The following MYO5A variants were observed in gnomAD, a reference collection of about 807,000 sequenced individuals.
The protein encoded by MYO5A is myosin VA.
MYO5A carries 98 observed loss-of-function variants against 249.7 expected under a neutral mutation model. The ratio of observed to expected loss-of-function variants is 0.39; its 90% CI spans 0.33 to 0.46. MYO5A has a LOEUF of 0.46. Among genes scored for constraint, MYO5A ranks in the 20% least tolerant of loss-of-function variants. MYO5A has a pLI of 0.98. For missense variants in MYO5A, 1,696 were observed against 2,308.8 expected (o/e 0.73, Z 5.44); for synonymous variants, 778 against 810.6 (o/e 0.96, Z 0.68).
At chr15:52,468,024 A>G (rs1293371057) in intron 1 of MYO5A, among the ~76,000 whole-genome samples, 1 of 152,248 alleles carries the variant, frequency 6.6e-6, no homozygotes, top group Non-Finnish European at 1.5e-5. Context: ...AAAAACAGGT[A>G]GCGAACAGAA....
At chr15:52,436,239 T>C (rs1014754528) in intron 1 of MYO5A, among the ~76,000 whole-genome samples, 4 of 152,238 alleles carry the variant, frequency 2.6e-5, no homozygotes, top group East Asian at 1.9e-4. Context: ...CTGGCCATCA[T>C]AGTTAACATA....
At chr15:52,356,945 G>C (rs1391109592) in intron 25 of MYO5A, among the ~76,000 whole-genome samples, 1 of 151,678 alleles carries the variant, frequency 6.6e-6, no homozygotes, top group African/African-American at 2.4e-5. Flanking sequence ...GGCATTTATA[G>C]GCTGTCAAAG....
chr15:52,470,173 T>C (rs1219527653), intron 1 of MYO5A, among the ~76,000 whole-genome samples: 1 of 152,200 alleles, frequency 6.6e-6, no homozygotes, highest in Non-Finnish European at 1.5e-5. Flanking sequence ...TTCCATAGCA[T>C]TGACAATTCT....
intron 4 of MYO5A, among the ~76,000 whole-genome samples, chr15:52,423,426 C>A (rs1412135171): frequency 6.6e-6 from 1 of 152,066 alleles, no homozygotes; most frequent in African/African-American, 2.4e-5. Context: ...GTGGCAGGTG[C>A]CTGTAGTCCC....
At chr15:52,436,922 T>C (rs184253510) in intron 1 of MYO5A, among the ~76,000 whole-genome samples, 1 of 152,370 alleles carries the variant, frequency 6.6e-6, no homozygotes, top group East Asian at 1.9e-4. Context: ...CCTTGGCCTT[T>C]ATTTCAGGCA....
At chr15:52,314,638 T>C (rs1169864138) in intron 40 of MYO5A, among the ~76,000 whole-genome samples, 1 of 152,248 alleles carries the variant, frequency 6.6e-6, no homozygotes, top group Non-Finnish European at 1.5e-5. Flanking sequence ...CATATAAAAA[T>C]GTTAGCCGTA....
rs1166362848 is a variant in MYO5A, at chr15:52,309,240, C to G, written c.*4456G>C. On this transcript the variant is annotated 3_prime_UTR_variant, in exon 42 of 42. Transcript: ENST00000399233. Reference sequence around the variant, plus strand: ...AACCTGCTACCAATTAATGCCCAAACAGAGTATTGCATCCTCCCAGAGAGC... The same window carrying G: ...AACCTGCTACCAATTAATGCCCAAAGAGAGTATTGCATCCTCCCAGAGAGC... The G allele has an allele frequency of 1.3e-5, 2 of 152,146 alleles. No homozygotes were observed. Among genetic ancestry groups the G allele is most frequent in the African/African-American group, 4.8e-5 (2 of 41,346 alleles). 9.4% of individuals were successfully genotyped at this position (152,146 alleles called of 1,614,324 possible). A position where few individuals can be genotyped will look rare whatever the true frequency, so the allele number is the denominator to read the frequency against.
At position 52,364,535 on chromosome 15, in the gene MYO5A, AC is replaced by A. The variant is rs57599264; in HGVS notation, c.3309+18del. On this transcript the variant is annotated intron_variant, in intron 24 of 41. Coordinates refer to ENST00000399233, the MANE Select transcript of MYO5A (RefSeq NM_001382347.1). ...TTTAAAATTTTTCATTAAAAAAAAA[AC>A]AAAAGTGTTTGACTCACCACCATAA... is the stretch of plus-strand genomic sequence containing the variant. 0.017 allele frequency: 27,620 copies of A among 1,591,530 alleles called. 1,806 individuals carry two copies. The African/African-American group carries it at 0.27, about 15-fold the overall frequency.
intron 1 of MYO5A, among the ~76,000 whole-genome samples, chr15:52,524,654 G>A (rs189565916): frequency 1.6e-4 from 24 of 151,374 alleles, no homozygotes; most frequent in African/African-American, 5.6e-4. Flanking sequence ...GAAGCAGGAG[G>A]ATCACTTGAG....
In MYO5A at chr15:52,416,280, G is replaced by A. The variant is rs183938201; in HGVS notation, c.477C>T (p.Ile159=). 1,797 of 1,613,966 alleles carry A rather than the reference G, an allele frequency of 1.1e-3. 19 individuals carry two copies. Among genetic ancestry groups the A allele is most frequent in the Non-Finnish European group, 1.2e-4 (146 of 1,179,932 alleles). ...CTGCCCCAGACTCTCCACTTACGAT[G>A]ATGGACTGATTTCGTTCATCTCTGT... ...QMARDERNQS[I]IVSGESGAGK... The change falls in exon 5 of 42, where the codon ATC becomes ATT. Residue 159 remains isoleucine, a synonymous_variant. Transcript: ENST00000399233.
chr15:52,409,240 C>T (rs978856161), intron 6 of MYO5A, among the ~76,000 whole-genome samples: 15 of 152,030 alleles, frequency 9.9e-5, no homozygotes, highest in African/African-American at 3.6e-4. Flanking sequence ...CCCCTGCTTA[C>T]TCACTTACCT....
chr15:52,411,623 A>AT, intron 5 of MYO5A, among the ~76,000 whole-genome samples: 1 of 152,308 alleles, frequency 6.6e-6, no homozygotes, highest in Non-Finnish European at 1.5e-5. Context: ...AAAAAAATTA[A>AT]TATCTTTCAC....
chr15:52,522,027 A>G (rs996990693), intron 1 of MYO5A, among the ~76,000 whole-genome samples: 2 of 152,236 alleles, frequency 1.3e-5, no homozygotes, highest in Non-Finnish European at 2.9e-5. Context: ...CCCACTGAAA[A>G]TGAAACTCCA....
intron 4 of MYO5A, among the ~76,000 whole-genome samples, chr15:52,421,143 T>A (rs1038574409): frequency 4.6e-5 from 7 of 152,190 alleles, no homozygotes; most frequent in Non-Finnish European, 8.8e-5. Flanking sequence ...CCTATTTGCA[T>A]AAATAGGATA....
At chr15:52,443,756 G>C (rs1467790862) in intron 1 of MYO5A, among the ~76,000 whole-genome samples, 1 of 151,596 alleles carries the variant, frequency 6.6e-6, no homozygotes, top group South Asian at 2.1e-4. Flanking sequence ...CGAGGCGGGT[G>C]GATTGTCTGA....
chr15:52,350,685 A>G (rs998607421), intron 28 of MYO5A, among the ~76,000 whole-genome samples: 1 of 152,198 alleles, frequency 6.6e-6, no homozygotes, highest in Non-Finnish European at 1.5e-5. Context: ...AAGGCAGGGA[A>G]GGACTTCAAA....
At chr15:52,527,048 C>T (rs1383211508) in intron 1 of MYO5A, among the ~76,000 whole-genome samples, 2 of 152,078 alleles carry the variant, frequency 1.3e-5, no homozygotes, top group Non-Finnish European at 2.9e-5. Flanking sequence ...ACACAACAAC[C>T]CATGTTTTAA....
At chr15:52,521,259 C>G (rs549653988) in intron 1 of MYO5A, among the ~76,000 whole-genome samples, 1 of 151,518 alleles carries the variant, frequency 6.6e-6, no homozygotes, top group South Asian at 2.1e-4. Flanking sequence ...CTACTGTATT[C>G]CCAGCTCACC....
chr15:52,430,530 T>C (rs1175827773), intron 2 of MYO5A, among the ~76,000 whole-genome samples: 1 of 152,236 alleles, frequency 6.6e-6, no homozygotes, highest in Non-Finnish European at 1.5e-5. Context: ...CCATGCTTTC[T>C]CTATTTTATT....
Sources: gnomAD v4.1 joint callset for allele counts (sites outside exome capture counted in the v4.1 genomes callset) on GRCh38, gnomAD v4.1.1 for gene constraint, MANE v1.5 for transcripts, NCBI Gene and HGNC (gene_info 2026-07-23, HGNC 2026-07-21) for gene names.